ERI3: variants seen among roughly 807,000 people sequenced by gnomAD.
ERI3 encodes ERI1 exoribonuclease family member 3, also known as ERI1 exoribonuclease 3.
ERI3 carries 18 observed loss-of-function variants against 44.4 expected under a neutral mutation model. The ratio of observed to expected loss-of-function variants is 0.41; its 90% CI spans 0.28 to 0.60. The LOEUF (loss-of-function observed/expected upper bound fraction) is 0.60, where lower values mean the gene tolerates loss of function less well. Ranked by LOEUF, ERI3 falls within the 20% of genes least tolerant of loss-of-function variation. The probability of loss-of-function intolerance (pLI) is 0.36; values close to 1 mark genes in which losing one functional copy is unlikely to be tolerated. For missense variants in ERI3, 294 were observed against 435.5 expected (o/e 0.68, Z 2.89); for synonymous variants, 183 against 164.8 (o/e 1.11, Z -0.84).
chr1:44,249,500 T>G (rs1644630249), intron 7 of ERI3, among the ~76,000 whole-genome samples: 1 of 151,984 alleles, frequency 6.6e-6, no homozygotes, highest in Non-Finnish European at 1.5e-5. Flanking sequence ...GAACCAACAC[T>G]CCAGCCCCAT....
chr1:44,338,725 C>G (rs1253048601), intron 3 of ERI3, among the ~76,000 whole-genome samples: 1 of 151,930 alleles, frequency 6.6e-6, no homozygotes, highest in East Asian at 1.9e-4. Context: ...CTATAGCACT[C>G]CTTAAAGGAA....
At chr1:44,330,690 G>A (rs1470113315) in intron 3 of ERI3, among the ~76,000 whole-genome samples, 1 of 152,154 alleles carries the variant, frequency 6.6e-6, no homozygotes, top group Admixed American at 6.5e-5. Context: ...CTTGTTTCAG[G>A]CTTTTAGGCT....
At chr1:44,339,396 G>A (rs1414651084) in intron 2 of ERI3, 74 bp from the exon 3 acceptor site, 4 of 1,422,462 alleles carry the variant, frequency 2.8e-6, no homozygotes, top group Non-Finnish European at 3.7e-6. Context: ...AGAGAGCCTG[G>A]GTTACTCCCT....
intron 3 of ERI3, 69 bp from the exon 4 acceptor site, chr1:44,319,813 A>G (rs1478267311): frequency 1.5e-5 from 17 of 1,154,746 alleles, no homozygotes; most frequent in Non-Finnish European, 1.7e-5. Flanking sequence ...CAGTAGCTCC[A>G]AGTCAACAAA....
At chr1:44,229,451 A>G (rs1157939891) in intron 8 of ERI3, among the ~76,000 whole-genome samples, 1 of 152,150 alleles carries the variant, frequency 6.6e-6, no homozygotes, top group East Asian at 1.9e-4. Flanking sequence ...CAGGCTGGGT[A>G]CATCCACATA....
At chr1:44,274,350 A>G (rs1049522520) in intron 7 of ERI3, among the ~76,000 whole-genome samples, 3 of 152,254 alleles carry the variant, frequency 2.0e-5, no homozygotes, top group South Asian at 4.1e-4. Flanking sequence ...GTGCCGATGC[A>G]GTGAGACATT....
At chr1:44,346,457 G>A (rs929963509) in intron 2 of ERI3, among the ~76,000 whole-genome samples, 6 of 152,176 alleles carry the variant, frequency 3.9e-5, no homozygotes, top group Admixed American at 6.5e-5. Flanking sequence ...TCCTTTCAGC[G>A]GCCAAAGCTT....
At chr1:44,293,289 C>G (rs1645545977) in intron 6 of ERI3, among the ~76,000 whole-genome samples, 1 of 152,234 alleles carries the variant, frequency 6.6e-6, no homozygotes, top group Non-Finnish European at 1.5e-5. Flanking sequence ...CTGGCTGAGC[C>G]CCAAGGTGAG....
chr1:44,306,867 G>A (rs566481793), intron 6 of ERI3, among the ~76,000 whole-genome samples: 1 of 152,304 alleles, frequency 6.6e-6, no homozygotes, highest in Admixed American at 6.5e-5. Flanking sequence ...CCAGAATTCT[G>A]GGTATCAGCC....
intron 8 of ERI3, among the ~76,000 whole-genome samples, chr1:44,233,815 T>A (rs892487782): frequency 6.6e-6 from 1 of 152,214 alleles, no homozygotes; most frequent in Non-Finnish European, 1.5e-5. Flanking sequence ...CAATCTCTCC[T>A]CCCTTTTAGA....
intron 8 of ERI3, 148 bp downstream of exon 8, chr1:44,247,791 A>C (rs1572104348): frequency 9.3e-5 from 43 of 460,134 alleles, no homozygotes; most frequent in Middle Eastern, 4.4e-4. Context: ...TTCTCATGCC[A>C]CCCCCCTTCC....
chr1:44,235,079 A>AACC lies in ERI3; in HGVS notation c.931+12857_931+12859dup, dbSNP rs911725461. Among the ~76,000 whole-genome samples, 1 of 152,308 alleles carries AACC rather than the reference A, an allele frequency of 6.6e-6. No homozygotes were observed. Among genetic ancestry groups the AACC allele is most frequent in the East Asian group, 1.9e-4 (1 of 5,182 alleles). Reference sequence around the variant, plus strand: ...AAAAAGTTTAAGAGTCAAAAATTAAAACCACCACCACCAGCACCACTTCCA... The same window carrying AACC: ...AAAAAGTTTAAGAGTCAAAAATTAAAACCACCACCACCACCAGCACCACTTCCA... On this transcript the variant is annotated intron_variant, in intron 8 of 8. Transcript: ENST00000372257. The surrounding 1 kb of genome is among the most constrained non-coding windows in gnomAD (Gnocchi z 4.6).
In ERI3 at chr1:44,228,517, T is replaced by C. The variant is rs973178007; in HGVS notation, c.932-6877A>G. 6.6e-6 allele frequency among the ~76,000 whole-genome samples: 1 copy of C among 152,202 alleles called. No homozygotes were observed. Among genetic ancestry groups the C allele is most frequent in the Non-Finnish European group, 1.5e-5 (1 of 68,044 alleles). On this transcript the variant is annotated intron_variant, in intron 8 of 8. Coordinates refer to ENST00000372257, the MANE Select transcript of ERI3 (RefSeq NM_024066.3). The surrounding 1 kb of genome is among the most constrained non-coding windows in gnomAD (Gnocchi z 4.3). ...GAGAAGTATGCGGACCGAAGATGTT[T>C]TTAAAAAAATCCTCATAAAGTGTTT...
At chr1:44,229,076 A>C (rs946581684) in intron 8 of ERI3, among the ~76,000 whole-genome samples, 1 of 152,216 alleles carries the variant, frequency 6.6e-6, no homozygotes, top group East Asian at 1.9e-4. Flanking sequence ...ACCACTCCCA[A>C]GTCTTGGCCA....
At chr1:44,264,717 C>T (rs1644957345) in intron 7 of ERI3, among the ~76,000 whole-genome samples, 1 of 152,132 alleles carries the variant, frequency 6.6e-6, no homozygotes, top group African/African-American at 2.4e-5. Flanking sequence ...GTCAGCCTTC[C>T]AAATCAGCTG....
intron 7 of ERI3, among the ~76,000 whole-genome samples, chr1:44,264,128 G>A (rs987001170): frequency 2.6e-5 from 4 of 152,236 alleles, no homozygotes; most frequent in Non-Finnish European, 4.4e-5. Context: ...CCAGCAAAGC[G>A]AAATCATTTA....
At chr1:44,269,813 T>G (rs571164677) in intron 7 of ERI3, among the ~76,000 whole-genome samples, 1 of 152,280 alleles carries the variant, frequency 6.6e-6, no homozygotes, top group South Asian at 2.1e-4. Context: ...ATCCTCCTGG[T>G]CATGTGGTAG....
chr1:44,333,111 T>C (rs1646464920), intron 3 of ERI3, among the ~76,000 whole-genome samples: 2 of 152,224 alleles, frequency 1.3e-5, no homozygotes, highest in Non-Finnish European at 1.5e-5. Flanking sequence ...TCAAGCATTT[T>C]GTGCTCTGCT....
At chr1:44,278,839 G>A (rs374982335) in intron 7 of ERI3, among the ~76,000 whole-genome samples, 1 of 152,316 alleles carries the variant, frequency 6.6e-6, no homozygotes, top group Non-Finnish European at 1.5e-5. Context: ...CTGACCTCAG[G>A]TGATCTGCCC....
Sources: gnomAD v4.1 joint callset for allele counts (sites outside exome capture counted in the v4.1 genomes callset) on GRCh38, gnomAD v4.1.1 for gene constraint, Gnocchi (gnomAD v3.1) non-coding constraint, MANE v1.5 for transcripts, NCBI Gene and HGNC (gene_info 2026-07-23, HGNC 2026-07-21) for gene names.